Variants in ADAMTS12 observed in about 807,000 individuals in gnomAD.
The protein encoded by ADAMTS12 is ADAM metallopeptidase with thrombospondin type 1 motif 12, also known as A disintegrin and metalloproteinase with thrombospondin motifs 12.
Under a neutral mutation model 167.8 loss-of-function variants are expected in ADAMTS12, and 118 were observed. The observed-to-expected ratio is 0.70, with a 90% CI of 0.61 to 0.82. The LOEUF (loss-of-function observed/expected upper bound fraction) is 0.82. Among genes scored for constraint, ADAMTS12 ranks in the 40% least tolerant of loss-of-function variants. ADAMTS12 has a pLI of 0.00. For missense variants in ADAMTS12, 1,916 were observed against 1,998.8 expected, an observed-to-expected ratio of 0.96 and a Z score of 0.79; for synonymous variants, 704 against 716.9, an observed-to-expected ratio of 0.98 and a Z score of 0.29.
chr5:33,572,263 C>T lies in ADAMTS12; in HGVS notation c.3972+3791G>A, dbSNP rs1387098484. 1.8e-4 allele frequency among the ~76,000 whole-genome samples: 27 copies of T among 152,046 alleles called. No individual in the cohort carries two copies. In the South Asian group the frequency reaches 4.0e-3, roughly 22 times the overall value. On this transcript the variant is annotated intron_variant, in intron 19 of 23. Transcript: ENST00000504830. ...ACTCATTTTATGAGGCCAGCATCAT[C>T]CTGATACCAAAGCCTGGCAGAGACA...
intron 22 of ADAMTS12, among the ~76,000 whole-genome samples, chr5:33,542,491 T>TTCAG (rs1744756369): frequency 6.6e-6 from 1 of 152,170 alleles, no homozygotes. Flanking sequence ...AGGACTTGAA[T>TTCAG]TCAGCTCTGC....
At chr5:33,593,143 G>A (rs111731029) in intron 17 of ADAMTS12, among the ~76,000 whole-genome samples, 6,731 of 152,230 alleles carry the variant, frequency 0.044, 460 homozygotes, top group African/African-American at 0.15. Context: ...CAGATGTGGT[G>A]GTGTGCGCCT....
At chr5:33,685,604 A>G (rs1742295639) in intron 3 of ADAMTS12, among the ~76,000 whole-genome samples, 1 of 152,206 alleles carries the variant, frequency 6.6e-6, no homozygotes, top group African/African-American at 2.4e-5. Flanking sequence ...ATAAATTCAA[A>G]CTCTAGCGTT....
intron 2 of ADAMTS12, among the ~76,000 whole-genome samples, chr5:33,861,950 G>C (rs1749632237): frequency 6.6e-6 from 1 of 152,076 alleles, no homozygotes; most frequent in Non-Finnish European, 1.5e-5. Context: ...ACGAAATAAA[G>C]GCAGAAATAA....
chr5:33,570,336 G>C (rs1215277385), intron 19 of ADAMTS12, among the ~76,000 whole-genome samples: 23 of 152,174 alleles, frequency 1.5e-4, no homozygotes, highest in African/African-American at 5.3e-4. Flanking sequence ...ATGTTAAGGG[G>C]AGCCAGAGAG....
intron 2 of ADAMTS12, among the ~76,000 whole-genome samples, chr5:33,773,132 ATTC>A (rs977395387): frequency 2.6e-4 from 39 of 152,272 alleles, no homozygotes; most frequent in African/African-American, 7.9e-4. Flanking sequence ...TTTTGTTTTT[ATTC>A]TTCTTTTTTC....
intron 20 of ADAMTS12, among the ~76,000 whole-genome samples, chr5:33,550,796 C>T (rs539271171): frequency 6.6e-6 from 1 of 152,214 alleles, no homozygotes; most frequent in Middle Eastern, 3.4e-3. Flanking sequence ...CAGAGCCTGC[C>T]CTGCCCTGCC....
chr5:33,542,269 C>T (rs2111792935), intron 22 of ADAMTS12, among the ~76,000 whole-genome samples: 1 of 152,250 alleles, frequency 6.6e-6, no homozygotes, highest in East Asian at 1.9e-4. Context: ...GTAAAGGGAC[C>T]AATTCAACAA....
chr5:33,855,163 A>C (rs1749353610), intron 2 of ADAMTS12, among the ~76,000 whole-genome samples: 1 of 152,264 alleles, frequency 6.6e-6, no homozygotes, highest in Non-Finnish European at 1.5e-5. Context: ...TGTATGGAAA[A>C]GGAACCAGCA....
chr5:33,729,986 A>G (rs1282116969), intron 3 of ADAMTS12, among the ~76,000 whole-genome samples: 1 of 152,176 alleles, frequency 6.6e-6, no homozygotes, highest in Non-Finnish European at 1.5e-5. Flanking sequence ...GTCTATGGGC[A>G]AAAGTTCCAT....
chr5:33,544,504 A>G (rs1335105913), intron 22 of ADAMTS12, among the ~76,000 whole-genome samples: 1 of 152,242 alleles, frequency 6.6e-6, no homozygotes, highest in South Asian at 2.1e-4. Context: ...AGAATTGGAA[A>G]AAACTACTTT....
chr5:33,872,368 A>C (rs575074480), intron 2 of ADAMTS12, among the ~76,000 whole-genome samples: 1 of 152,132 alleles, frequency 6.6e-6, no homozygotes, highest in African/African-American at 2.4e-5. Flanking sequence ...ATATGGTGAA[A>C]CCCCGTCTCC....
At chr5:33,563,425 T>G (rs983918071) in intron 19 of ADAMTS12, among the ~76,000 whole-genome samples, 6 of 152,162 alleles carry the variant, frequency 3.9e-5, no homozygotes, top group African/African-American at 1.4e-4. Flanking sequence ...TTCTTGCTCT[T>G]GGACCCCTGC....
In ADAMTS12 at chr5:33,732,524, T is replaced by C. The variant is rs1367372559; in HGVS notation, c.634+18880A>G. ...AGAGATGATTCTTAAAGAAGAATTA[T>C]CAGTGGTTCAAAATCTGACAACTGT... On this transcript the variant is annotated intron_variant, in intron 3 of 23. Coordinates refer to ENST00000504830, the MANE Select transcript of ADAMTS12 (RefSeq NM_030955.4). Among the ~76,000 whole-genome samples the C allele has an allele frequency of 4.6e-5, 7 of 152,320 alleles. No individual in the cohort carries two copies. In the East Asian group the frequency reaches 9.6e-4, roughly 21 times the overall value.
At chr5:33,601,645 A>G (rs1738194475) in intron 16 of ADAMTS12, among the ~76,000 whole-genome samples, 1 of 152,206 alleles carries the variant, frequency 6.6e-6, no homozygotes, top group Non-Finnish European at 1.5e-5. Flanking sequence ...TTTATTTCCT[A>G]GCTCAAAAGA....
chr5:33,719,255 T>C (rs536421931), intron 3 of ADAMTS12, among the ~76,000 whole-genome samples: 9 of 151,948 alleles, frequency 5.9e-5, no homozygotes, highest in South Asian at 4.2e-4. Context: ...AAGAAAAAGA[T>C]AGATGCTAAG....
At chr5:33,847,955 C>A (rs746521305) in intron 2 of ADAMTS12, among the ~76,000 whole-genome samples, 5 of 152,160 alleles carry the variant, frequency 3.3e-5, no homozygotes, top group Non-Finnish European at 5.9e-5. Flanking sequence ...TGGCTTACAC[C>A]TGTAATCCCA....
At chr5:33,763,767 T>C (rs1745436033) in intron 2 of ADAMTS12, among the ~76,000 whole-genome samples, 2 of 152,350 alleles carry the variant, frequency 1.3e-5, no homozygotes, top group Admixed American at 6.5e-5. Context: ...CATTCTGATA[T>C]ATTCCATTCT....
intron 3 of ADAMTS12, among the ~76,000 whole-genome samples, chr5:33,744,927 C>A (rs1246437674): frequency 1.3e-5 from 2 of 152,170 alleles, no homozygotes; most frequent in African/African-American, 4.8e-5. Context: ...AATCCTTCTG[C>A]CTCAGCCTTC....
Sources: allele counts gnomAD v4.1 joint callset (sites outside exome capture counted in the v4.1 genomes callset), GRCh38; gene constraint gnomAD v4.1.1; transcripts MANE v1.5; gene names NCBI Gene and HGNC (gene_info 2026-07-23, HGNC 2026-07-21).